Variants in PRKN observed in about 807,000 individuals in gnomAD.
The protein encoded by PRKN is parkin RBR E3 ubiquitin protein ligase, also known as E3 ubiquitin-protein ligase parkin.
A neutral mutation model predicts 59.5 loss-of-function variants in PRKN; 56 were observed. The ratio of observed to expected loss-of-function variants is 0.94; its 90% CI spans 0.76 to 1.18. The LOEUF (loss-of-function observed/expected upper bound fraction) is 1.18, where lower values mean the gene tolerates loss of function less well. PRKN is among the 50% of genes most tolerant of loss of function. The pLI, the probability that PRKN is intolerant of heterozygous loss-of-function variation, is 0.00. For missense variants in PRKN, 657 were observed against 596.4 expected (o/e 1.10, Z -1.06); for synonymous variants, 250 against 222.1 (o/e 1.13, Z -1.12).
At chr6:161,633,725 T>A (rs1250106178) in intron 7 of PRKN, among the ~76,000 whole-genome samples, 2 of 152,116 alleles carry the variant, frequency 1.3e-5, no homozygotes, top group Non-Finnish European at 2.9e-5. Flanking sequence ...TTGTTTTTGG[T>A]TTCCTGAAAC....
At chr6:162,517,836 A>G (rs555006478) in intron 1 of PRKN, among the ~76,000 whole-genome samples, 15 of 152,260 alleles carry the variant, frequency 9.9e-5, no homozygotes, top group African/African-American at 3.4e-4. Context: ...TTAACCAACA[A>G]TCTTTTAGAC....
chr6:162,405,743 C>T (rs975664998), intron 2 of PRKN, among the ~76,000 whole-genome samples: 3 of 152,112 alleles, frequency 2.0e-5, no homozygotes, highest in East Asian at 1.9e-4. Flanking sequence ...AAACGCTACG[C>T]GGGGGTGTAG....
intron 1 of PRKN, among the ~76,000 whole-genome samples, chr6:162,648,680 C>A (rs1485965858): frequency 1.3e-5 from 2 of 152,182 alleles, no homozygotes; most frequent in Non-Finnish European, 2.9e-5. Flanking sequence ...CGACAGCCGG[C>A]CAGTGTTCTC....
intron 7 of PRKN, among the ~76,000 whole-genome samples, chr6:161,776,179 T>C (rs978940397): frequency 8.5e-5 from 13 of 152,176 alleles, no homozygotes; most frequent in Admixed American, 5.2e-4. Flanking sequence ...AGTAGCACTC[T>C]CAACAAATCA....
At chr6:161,569,272 C>A in intron 8 of PRKN, 83 bp downstream of exon 8, 2 of 1,221,192 alleles carry the variant, frequency 1.6e-6, no homozygotes, top group Non-Finnish European at 2.4e-6. Context: ...GAGACATACT[C>A]GGCCTCCCTG....
intron 4 of PRKN, among the ~76,000 whole-genome samples, chr6:162,146,204 G>A (rs117006502): frequency 6.6e-6 from 1 of 152,030 alleles, no homozygotes; most frequent in East Asian, 1.9e-4. Flanking sequence ...GCAAACATAT[G>A]CTAAAGATAG....
intron 7 of PRKN, among the ~76,000 whole-genome samples, chr6:161,728,066 G>A (rs1179432759): frequency 1.3e-5 from 2 of 152,224 alleles, no homozygotes; most frequent in African/African-American, 2.4e-5. Flanking sequence ...TTCCAAGAGC[G>A]AAAGGTTTGT....
chr6:162,342,176 T>C (rs1218534611), intron 2 of PRKN, among the ~76,000 whole-genome samples: 2 of 152,176 alleles, frequency 1.3e-5, no homozygotes, highest in Non-Finnish European at 2.9e-5. Context: ...GTGGCAAAAG[T>C]AGAGGCAAGA....
At chr6:162,654,498 C>A (rs1778564099) in intron 1 of PRKN, among the ~76,000 whole-genome samples, 1 of 152,200 alleles carries the variant, frequency 6.6e-6, no homozygotes, top group African/African-American at 2.4e-5. Context: ...TAGATAACAA[C>A]AATCTATTTT....
chr6:161,561,615 G>A lies in PRKN; in HGVS notation c.933+7740C>T, dbSNP rs1780457588. ...CAGCCCCTCTCACAACACAAAAAGT[G>A]GCCTTCCTCCTGTTAGGGGCCGATT... On this transcript the variant is annotated intron_variant, in intron 8 of 11. Transcript: ENST00000366898. This position sits in a 1 kb window ranked among gnomAD's most constrained non-coding sequence, Gnocchi z 5.0. Among the ~76,000 whole-genome samples, 1 of 152,078 alleles carries A rather than the reference G, an allele frequency of 6.6e-6. No individual in the cohort carries two copies. Among genetic ancestry groups the A allele is most frequent in the South Asian group, 2.1e-4 (1 of 4,826 alleles).
intron 1 of PRKN, among the ~76,000 whole-genome samples, chr6:162,652,144 A>G (rs932168744): frequency 1.3e-5 from 2 of 152,148 alleles, no homozygotes; most frequent in Non-Finnish European, 2.9e-5. Context: ...ATTTCTTCAG[A>G]TATCATCAAT....
At chr6:162,330,230 T>C (rs150833803) in intron 2 of PRKN, among the ~76,000 whole-genome samples, 307 of 152,216 alleles carry the variant, frequency 2.0e-3, no homozygotes, top group Non-Finnish European at 3.5e-3. Context: ...TATAAGCACA[T>C]TGCTGATGTG....
At chr6:162,093,614 G>A (rs1360892701) in intron 4 of PRKN, among the ~76,000 whole-genome samples, 1 of 152,166 alleles carries the variant, frequency 6.6e-6, no homozygotes, top group Non-Finnish European at 1.5e-5. Context: ...AATGTAAAAG[G>A]ACCTTCTTGT....
chr6:162,601,187 T>G (rs1312769382), intron 1 of PRKN, among the ~76,000 whole-genome samples: 2 of 152,084 alleles, frequency 1.3e-5, no homozygotes, highest in African/African-American at 4.8e-5. Flanking sequence ...CTTGGGCCTC[T>G]CTTCTTCTAA....
chr6:161,625,455 C>G (rs1210291608), intron 7 of PRKN, among the ~76,000 whole-genome samples: 2 of 152,032 alleles, frequency 1.3e-5, no homozygotes, highest in African/African-American at 4.8e-5. Flanking sequence ...GGAGAAATAC[C>G]TAACGTAAAC....
At chr6:162,002,793 C>T (rs1157475619) in intron 5 of PRKN, among the ~76,000 whole-genome samples, 1 of 151,650 alleles carries the variant, frequency 6.6e-6, no homozygotes, top group Non-Finnish European at 1.5e-5. Context: ...CAAAACACTG[C>T]TTTCACTGTA....
Position 162,525,503 on chromosome 6 carries a change from T to C in PRKN, c.8-82030A>G, listed in dbSNP as rs186909061. Among the ~76,000 whole-genome samples the C allele has an allele frequency of 2.0e-3, 301 of 152,286 alleles. 1 individual carries two copies. The highest frequency in any genetic ancestry group is 7.0e-3 in the African/African-American group (290 of 41,568). On this transcript the variant is annotated intron_variant, in intron 1 of 11. Coordinates refer to ENST00000366898, the MANE Select transcript of PRKN (RefSeq NM_004562.3). The stretch of plus-strand genomic sequence containing the variant: ...ACCTGCCCCGTGAGGCGTGGCCTCA[T>C]CTAAAGTCAGAAATTGGCTCCATCT...
chr6:162,056,778 C>T lies in PRKN; in HGVS notation c.535-2604G>A, dbSNP rs1198532247. 6.6e-6 allele frequency among the ~76,000 whole-genome samples: 1 copy of T among 152,096 alleles called. No homozygotes were observed. Among genetic ancestry groups the T allele is most frequent in the African/African-American group, 2.4e-5 (1 of 41,418 alleles). On this transcript the variant is annotated intron_variant, in intron 4 of 11. Coordinates refer to ENST00000366898, the MANE Select transcript of PRKN (RefSeq NM_004562.3). This position sits in a 1 kb window ranked among gnomAD's most constrained non-coding sequence, Gnocchi z 4.9. ...CGGCAAGGCTGGAATTTTGATAAGC[C>T]CCAGGCAGAGGTGTCTGCATGACCA...
chr6:161,656,375 C>G (rs886615067), intron 7 of PRKN, among the ~76,000 whole-genome samples: 1 of 152,132 alleles, frequency 6.6e-6, no homozygotes, highest in Non-Finnish European at 1.5e-5. Context: ...TCCTGATAGG[C>G]TTCACTGGCT....
Sources: gnomAD v4.1 joint callset for allele counts (sites outside exome capture counted in the v4.1 genomes callset) on GRCh38, gnomAD v4.1.1 for gene constraint, Gnocchi (gnomAD v3.1) non-coding constraint, MANE v1.5 for transcripts, NCBI Gene and HGNC (gene_info 2026-07-23, HGNC 2026-07-21) for gene names.